The following RBFOX1 variants were observed in gnomAD, a reference collection of about 807,000 sequenced individuals.
RBFOX1 encodes the protein RNA binding fox-1 homolog 1, also known as RNA binding protein fox-1 homolog 1.
A neutral mutation model predicts 57.7 loss-of-function variants in RBFOX1; 8 were observed. That is an observed-to-expected ratio of 0.14 (90% CI 0.08 to 0.25). RBFOX1 has a LOEUF of 0.25. RBFOX1 is among the 10% of genes least tolerant of loss of function. The pLI, the probability that RBFOX1 is intolerant of heterozygous loss-of-function variation, is 1.00. For synonymous variants in RBFOX1, 326 were observed against 222.4 expected (o/e 1.47, Z -4.15); for missense variants, 611 against 548.5 (o/e 1.11, Z -1.14).
At chr16:5,301,943 T>C (rs1050706759) in intron 1 of RBFOX1, among the ~76,000 whole-genome samples, 2 of 152,214 alleles carry the variant, frequency 1.3e-5, no homozygotes, top group African/African-American at 4.8e-5. Context: ...GTTTTTTATT[T>C]CACTGATTTC....
intron 4 of RBFOX1, among the ~76,000 whole-genome samples, chr16:5,954,692 C>T (rs1371034997): frequency 2.0e-5 from 3 of 152,122 alleles, no homozygotes; most frequent in South Asian, 2.1e-4. Flanking sequence ...TCTCGGCAAG[C>T]ATCTGATCGT....
At chr16:6,907,014 G>A (rs190562623) in intron 3 of RBFOX1, among the ~76,000 whole-genome samples, 86 of 152,118 alleles carry the variant, frequency 5.7e-4, no homozygotes, top group Middle Eastern at 6.8e-3. Context: ...ATGAGCCACC[G>A]CACCCAGCTT....
chr16:7,141,323 A>C (rs935160633), intron 4 of RBFOX1, among the ~76,000 whole-genome samples: 1 of 152,166 alleles, frequency 6.6e-6, no homozygotes, highest in Admixed American at 6.5e-5. Flanking sequence ...TACCAGACAC[A>C]GTGCTTGGTT....
At chr16:7,639,590 T>C (rs1188883632) in intron 11 of RBFOX1, among the ~76,000 whole-genome samples, 1 of 152,124 alleles carries the variant, frequency 6.6e-6, no homozygotes, top group Non-Finnish European at 1.5e-5. Flanking sequence ...GGGGGACACA[T>C]AACAGACAAA....
At chr16:7,416,349 T>G (rs1251359573) in intron 4 of RBFOX1, among the ~76,000 whole-genome samples, 1 of 152,248 alleles carries the variant, frequency 6.6e-6, no homozygotes, top group Non-Finnish European at 1.5e-5. Flanking sequence ...CATGCCCAAC[T>G]AATTTGATCA....
chr16:7,321,247 C>T (rs939524438), intron 4 of RBFOX1, among the ~76,000 whole-genome samples: 21 of 152,012 alleles, frequency 1.4e-4, no homozygotes, highest in Admixed American at 9.2e-4. Context: ...TGGGTTAAAG[C>T]GATTGTCCTG....
chr16:7,097,594 C>T (rs943955561), intron 4 of RBFOX1, among the ~76,000 whole-genome samples: 1 of 152,176 alleles, frequency 6.6e-6, no homozygotes, highest in Non-Finnish European at 1.5e-5. Context: ...CAAATTCCAT[C>T]CAATTAGATG....
rs543633399 is a variant in RBFOX1, at chr16:7,354,804, C to T, written c.28-163343C>T. ...TGACATTTTCAGTGCCTAGGAGCTA[C>T]ATGTGGTTTGTGTTGGTTGTACTAG... On this transcript the variant is annotated intron_variant, in intron 4 of 15. Transcript: ENST00000550418. Among the ~76,000 whole-genome samples, 3 of 152,266 alleles carry T rather than the reference C, an allele frequency of 2.0e-5. No individual in the cohort carries two copies. The Middle Eastern group carries it at 0.01, about 518-fold the overall frequency.
chr16:7,544,639 G>C (rs1159966676), intron 5 of RBFOX1, among the ~76,000 whole-genome samples: 1 of 152,118 alleles, frequency 6.6e-6, no homozygotes, highest in East Asian at 1.9e-4. Flanking sequence ...CCTTCAGATG[G>C]AGCATGGTTT....
intron 1 of RBFOX1, among the ~76,000 whole-genome samples, chr16:5,298,654 C>T (rs1429149845): frequency 1.0e-4 from 2 of 19,134 alleles, no homozygotes; most frequent in African/African-American, 4.4e-4. Flanking sequence ...CCCACTGCCC[C>T]TCCCTCCCCC....
At chr16:6,036,739 G>T (rs2095370394) in intron 1 of RBFOX1, among the ~76,000 whole-genome samples, 1 of 152,142 alleles carries the variant, frequency 6.6e-6, no homozygotes, top group Admixed American at 6.5e-5. Context: ...TAACTTAGAT[G>T]GGAGGCACCA....
intron 1 of RBFOX1, among the ~76,000 whole-genome samples, chr16:5,287,761 G>C (rs573095124): frequency 1.3e-5 from 2 of 152,300 alleles, no homozygotes; most frequent in African/African-American, 4.8e-5. Context: ...TGGTCATGCA[G>C]ATTAATATTC....
intron 3 of RBFOX1, among the ~76,000 whole-genome samples, chr16:7,025,434 G>A (rs1032273916): frequency 3.3e-5 from 5 of 152,038 alleles, no homozygotes; most frequent in African/African-American, 7.2e-5. Flanking sequence ...CTATTTTATC[G>A]TATGACTTAG....
intron 3 of RBFOX1, among the ~76,000 whole-genome samples, chr16:5,836,192 G>A (rs2056451086): frequency 6.6e-6 from 1 of 152,196 alleles, no homozygotes; most frequent in African/African-American, 2.4e-5. Context: ...CATGGGCTCT[G>A]CAGCTGGGGG....
At chr16:7,511,125 G>C (rs1454882648) in intron 4 of RBFOX1, among the ~76,000 whole-genome samples, 1 of 152,182 alleles carries the variant, frequency 6.6e-6, no homozygotes, top group Non-Finnish European at 1.5e-5. Flanking sequence ...ACGAAAGCTG[G>C]TACTTTGCCT....
At chr16:7,420,598 C>T (rs895975995) in intron 4 of RBFOX1, among the ~76,000 whole-genome samples, 4 of 151,022 alleles carry the variant, frequency 2.6e-5, no homozygotes, top group Admixed American at 6.6e-5. Flanking sequence ...TTTTTTCTTT[C>T]CCTTTCTGAT....
chr16:5,369,126 C>G (rs2065797980), intron 1 of RBFOX1, among the ~76,000 whole-genome samples: 1 of 152,118 alleles, frequency 6.6e-6, no homozygotes, highest in Non-Finnish European at 1.5e-5. Flanking sequence ...CTCAGCCTCA[C>G]AAGTAGCTAG....
chr16:7,692,746 C>A (rs557286793), intron 14 of RBFOX1, among the ~76,000 whole-genome samples: 1 of 152,106 alleles, frequency 6.6e-6, no homozygotes, highest in African/African-American at 2.4e-5. Context: ...ATTTTTAATA[C>A]TGCATCATTA....
intron 1 of RBFOX1, among the ~76,000 whole-genome samples, chr16:5,416,195 A>G (rs951325286): frequency 6.6e-6 from 1 of 152,314 alleles, no homozygotes; most frequent in Non-Finnish European, 1.5e-5. Flanking sequence ...CCTGGACACT[A>G]TGGTCCCATT....
Sources: gnomAD v4.1 joint callset for allele counts (sites outside exome capture counted in the v4.1 genomes callset) on GRCh38, gnomAD v4.1.1 for gene constraint, MANE v1.5 for transcripts, NCBI Gene and HGNC (gene_info 2026-07-23, HGNC 2026-07-21) for gene names.